Variants in EQTN observed in about 807,000 individuals in gnomAD.
EQTN encodes Acrosome formation associated factor.
EQTN carries 29 observed loss-of-function variants against 26.9 expected under a neutral mutation model. That is an observed-to-expected ratio of 1.08 (90% CI 0.80 to 1.47). EQTN has a LOEUF of 1.47. Among genes scored for constraint, EQTN ranks in the 40% most tolerant of loss-of-function variants. EQTN has a pLI of 0.00. For missense variants in EQTN, 391 were observed against 346.1 expected, an observed-to-expected ratio of 1.13 and a Z score of -1.03; for synonymous variants, 129 against 120.0, an observed-to-expected ratio of 1.07 and a Z score of -0.49.
rs777038484 is a variant in EQTN, at chr9:27,284,862, C to T, written c.746G>A (p.Ser249Asn). The T allele has an allele frequency of 5.0e-6, 8 of 1,614,092 alleles. No individual in the cohort carries two copies. The East Asian group carries it at 1.6e-4, about 31-fold the overall frequency. The change falls in exon 8 of 8, where the codon AGC (serine) becomes AAC (asparagine). Residue 249 changes from serine to asparagine, a missense_variant. By Grantham distance (46) the Ser-to-Asn change is conservative. Coordinates refer to ENST00000380032, the MANE Select transcript of EQTN (RefSeq NM_020641.3). ...SDTSFSKSAE[S>N]STFLGTTSSD... ...AGAAGTGGTACCCAAAAATGTGCTG[C>T]TCTCTGCACTCTTGGAAAAGGATGT...
intron 6 of EQTN, 52 bp downstream of exon 6, chr9:27,289,620 G>C: frequency 6.7e-7 from 1 of 1,491,694 alleles, no homozygotes; most frequent in Non-Finnish European, 9.2e-7. Context: ...AAAGTGCTGG[G>C]ATTATAGGCA....
At chr9:27,286,491 T>A (rs1820126855) in intron 6 of EQTN, 129 bp from the exon 7 acceptor site, 2 of 860,996 alleles carry the variant, frequency 2.3e-6, no homozygotes, top group Non-Finnish European at 3.5e-6. Context: ...CGGTCTCCCA[T>A]CCCGCAGGCA....
intron 6 of EQTN, among the ~76,000 whole-genome samples, chr9:27,287,222 T>C (rs17695522): frequency 0.12 from 18,446 of 152,234 alleles, 1,235 homozygotes; most frequent in Admixed American, 0.17. Context: ...TGATAAGCAA[T>C]GACAAGCTTC....
intron 7 of EQTN, among the ~76,000 whole-genome samples, chr9:27,285,772 T>G (rs1820106733): frequency 6.6e-6 from 1 of 152,186 alleles, no homozygotes; most frequent in African/African-American, 2.4e-5. Flanking sequence ...CAATCAGGCT[T>G]GAGTTGAATT....
rs1587113147 is a variant in EQTN, at chr9:27,290,954, T to A, written c.421+65A>T. The A allele has an allele frequency of 2.1e-6, 3 of 1,450,162 alleles. No homozygotes were observed. The East Asian group carries it at 6.8e-5, about 33-fold the overall frequency. 89.8% of individuals were successfully genotyped at this position (1,450,162 alleles called of 1,614,324 possible). ...AGTATTAGAGGTATTTAGACTGATCTTAGCTCTAAGTAAGATTTTAGAAAA... is the reference window on the plus strand; with the variant it reads ...AGTATTAGAGGTATTTAGACTGATCATAGCTCTAAGTAAGATTTTAGAAAA... On this transcript the variant is annotated intron_variant, in intron 5 of 7. Coordinates refer to ENST00000380032, the MANE Select transcript of EQTN (RefSeq NM_020641.3).
At position 27,289,659 on chromosome 9, in the gene EQTN, AT is replaced by A; in HGVS notation, c.481+12del. ...GCCACTGCACCCAGTCAATTGAAATATTTTGTTCTTACCTGGAATTGGGTGA... is the reference window on the plus strand; with the variant it reads ...GCCACTGCACCCAGTCAATTGAAATATTTGTTCTTACCTGGAATTGGGTGA... On this transcript the variant is annotated intron_variant, in intron 6 of 7. Coordinates refer to ENST00000380032, the MANE Select transcript of EQTN (RefSeq NM_020641.3). The A allele has an allele frequency of 6.3e-7, 1 of 1,599,396 alleles. No homozygotes were observed. The highest frequency in any genetic ancestry group is 8.5e-7 in the Non-Finnish European group (1 of 1,171,992).
chr9:27,286,185 G>T, intron 7 of EQTN, 24 bp downstream of exon 7: 4 of 1,608,904 alleles, frequency 2.5e-6, no homozygotes, highest in South Asian at 1.1e-5. Flanking sequence ...TTGTTGTAAA[G>T]ACTGCAGAGG....
chr9:27,286,102 T>C (rs1309966599), intron 7 of EQTN, 107 bp downstream of exon 7: 11 of 1,095,902 alleles, frequency 1.0e-5, no homozygotes, highest in African/African-American at 1.6e-5. Flanking sequence ...GAATGTCGTA[T>C]GGATGAATTC....
chr9:27,285,209 T>A (rs1475389693), intron 7 of EQTN, among the ~76,000 whole-genome samples: 1 of 131,216 alleles, frequency 7.6e-6, no homozygotes, highest in Non-Finnish European at 1.6e-5. Context: ...AGTGGCGCAA[T>A]CTCGGCTCAC....
chr9:27,286,488 C>T, intron 6 of EQTN, 126 bp from the exon 7 acceptor site: 3 of 888,804 alleles, frequency 3.4e-6, no homozygotes, highest in Non-Finnish European at 5.1e-6. Flanking sequence ...GGCCGGTCTC[C>T]CATCCCGCAG....
At chr9:27,290,056 A>G (rs891289350) in intron 5 of EQTN, among the ~76,000 whole-genome samples, 1 of 152,202 alleles carries the variant, frequency 6.6e-6, no homozygotes, top group Non-Finnish European at 1.5e-5. Flanking sequence ...CACTGAACTC[A>G]TAGAAAACAG....
chr9:27,291,293 T>G (rs1820230182), intron 4 of EQTN, among the ~76,000 whole-genome samples: 2 of 152,214 alleles, frequency 1.3e-5, no homozygotes, highest in African/African-American at 2.4e-5. Context: ...TTGCTGCTTA[T>G]GTAGCAGATT....
At chr9:27,295,300 T>C (rs1050849698) in intron 2 of EQTN, among the ~76,000 whole-genome samples, 2 of 152,134 alleles carry the variant, frequency 1.3e-5, no homozygotes, top group Non-Finnish European at 2.9e-5. Context: ...CCAACACTCA[T>C]GCCATGAGTT....
intron 3 of EQTN, 126 bp downstream of exon 3, chr9:27,294,185 CTACTT>C: frequency 1.9e-6 from 1 of 538,168 alleles, no homozygotes; most frequent in East Asian, 3.1e-5. Context: ...GTCACAGAAT[CTACTT>C]TAGAGGGAAA....
intron 4 of EQTN, 46 bp from the exon 5 acceptor site, chr9:27,291,109 A>G (rs1050197750): frequency 6.6e-7 from 1 of 1,514,644 alleles, no homozygotes; most frequent in Admixed American, 2.1e-5. Context: ...AGAAAACAAC[A>G]GGATAACAAA....
At chr9:27,291,788 C>A (rs916878117) in intron 4 of EQTN, among the ~76,000 whole-genome samples, 10 of 152,060 alleles carry the variant, frequency 6.6e-5, no homozygotes, top group African/African-American at 2.4e-4. Flanking sequence ...ACTTGGATTG[C>A]ATAAACTGGA....
At chr9:27,285,008 T>C (rs757686927) in intron 7 of EQTN, 36 bp from the exon 8 acceptor site, 1 of 1,572,528 alleles carries the variant, frequency 6.4e-7, no homozygotes, top group Non-Finnish European at 8.6e-7. Context: ...AGAATTGTTT[T>C]TAATTGTGTA....
chr9:27,289,825 G>T, intron 5 of EQTN, 94 bp from the exon 6 acceptor site: 1 of 918,308 alleles, frequency 1.1e-6, no homozygotes, highest in South Asian at 1.9e-5. Context: ...AGTACCCAGT[G>T]TGTGTACAGT....
chr9:27,285,860 C>A (rs1265039272), intron 7 of EQTN, among the ~76,000 whole-genome samples: 1 of 152,128 alleles, frequency 6.6e-6, no homozygotes, highest in Non-Finnish European at 1.5e-5. Flanking sequence ...TTTTCAAAGT[C>A]TCAAGGCTTG....
Sources: allele counts gnomAD v4.1 joint callset (sites outside exome capture counted in the v4.1 genomes callset), GRCh38; gene constraint gnomAD v4.1.1; transcripts MANE v1.5; gene names NCBI Gene and HGNC (gene_info 2026-07-23, HGNC 2026-07-21).